Variants in FTO observed in about 807,000 individuals in gnomAD.
The protein encoded by FTO is alpha-ketoglutarate-dependent dioxygenase FTO.
In FTO, 47 loss-of-function variants were observed where a neutral mutation model predicts 63.9. That is an observed-to-expected ratio of 0.74 (90% CI 0.58 to 0.94). The LOEUF (loss-of-function observed/expected upper bound fraction) is 0.94, where lower values mean the gene tolerates loss of function less well. Among genes scored for constraint, FTO ranks in the 40% least tolerant of loss-of-function variants. The pLI is 0.00. For missense variants in FTO, 562 were observed against 618.1 expected (o/e 0.91, Z 0.96); for synonymous variants, 207 against 224.4 (o/e 0.92, Z 0.69).
At chr16:54,003,003 C>T (rs1345008633) in intron 8 of FTO, among the ~76,000 whole-genome samples, 1 of 152,216 alleles carries the variant, frequency 6.6e-6, no homozygotes, top group Non-Finnish European at 1.5e-5. Context: ...TGCATGCAGC[C>T]TTGTACTGGG....
At chr16:53,858,714 G>A (rs917630900) in intron 4 of FTO, among the ~76,000 whole-genome samples, 1 of 152,006 alleles carries the variant, frequency 6.6e-6, no homozygotes, top group African/African-American at 2.4e-5. Context: ...AGGCTGGAGG[G>A]CAGTGGTGGG....
intron 1 of FTO, among the ~76,000 whole-genome samples, chr16:53,723,955 G>A (rs1269144107): frequency 1.3e-5 from 2 of 152,160 alleles, no homozygotes; most frequent in Admixed American, 6.5e-5. Context: ...ATTCAGCATC[G>A]TCTTGAAAAG....
At chr16:54,019,072 C>A (rs1283698887) in intron 8 of FTO, among the ~76,000 whole-genome samples, 1 of 152,160 alleles carries the variant, frequency 6.6e-6, no homozygotes, top group Non-Finnish European at 1.5e-5. Context: ...ATGCTGGCCT[C>A]CTTTGGGCTT....
intron 1 of FTO, among the ~76,000 whole-genome samples, chr16:53,783,480 C>T (rs1030432964): frequency 2.0e-5 from 3 of 151,414 alleles, no homozygotes; most frequent in Admixed American, 6.6e-5. Context: ...TGGTGGCGGG[C>T]GCCTGTAGTC....
intron 5 of FTO, 125 bp downstream of exon 5, chr16:53,873,990 T>C (rs775196675): frequency 1.9e-5 from 14 of 723,470 alleles, no homozygotes; most frequent in Non-Finnish European, 3.2e-5. Flanking sequence ...AACTTGACTT[T>C]CGTCTCTGTT....
At chr16:53,906,096 C>T (rs536510439) in intron 7 of FTO, among the ~76,000 whole-genome samples, 41 of 152,346 alleles carry the variant, frequency 2.7e-4, no homozygotes, top group Non-Finnish European at 5.0e-4. Context: ...TTTTTAAAGA[C>T]ATAAGCACCA....
intron 8 of FTO, among the ~76,000 whole-genome samples, chr16:54,099,830 C>T (rs893990430): frequency 1.3e-5 from 2 of 152,146 alleles, no homozygotes; most frequent in African/African-American, 4.8e-5. Flanking sequence ...GGGAAGTCAC[C>T]AGCTGCCTGC....
At chr16:54,104,651 C>A (rs962037541) in intron 8 of FTO, among the ~76,000 whole-genome samples, 16 of 152,226 alleles carry the variant, frequency 1.1e-4, no homozygotes, top group African/African-American at 3.6e-4. Context: ...TATGCTATTG[C>A]ACATTAGGAG....
At chr16:54,002,125 A>C (rs2084082676) in intron 8 of FTO, among the ~76,000 whole-genome samples, 1 of 152,230 alleles carries the variant, frequency 6.6e-6, no homozygotes, top group Non-Finnish European at 1.5e-5. Context: ...AGCTAAATGC[A>C]TGTTTATCAA....
At chr16:53,890,655 C>A (rs1054280531) in intron 7 of FTO, among the ~76,000 whole-genome samples, 1 of 152,134 alleles carries the variant, frequency 6.6e-6, no homozygotes, top group Admixed American at 6.5e-5. Context: ...AAATTGATTT[C>A]TCCAAAGACC....
At chr16:53,778,751 G>A (rs1030687060) in intron 1 of FTO, among the ~76,000 whole-genome samples, 5 of 152,046 alleles carry the variant, frequency 3.3e-5, no homozygotes, top group African/African-American at 1.2e-4. Flanking sequence ...GCCCAGGGTC[G>A]GAATTCCTGG....
intron 8 of FTO, among the ~76,000 whole-genome samples, chr16:53,986,464 TGACG>T (rs1258219497): frequency 2.1e-4 from 32 of 152,210 alleles, no homozygotes; most frequent in African/African-American, 6.0e-4. Flanking sequence ...TGGATCCTTC[TGACG>T]GGCATTTGTG....
chr16:53,980,455 G>T (rs1208917920), intron 8 of FTO, among the ~76,000 whole-genome samples: 1 of 152,188 alleles, frequency 6.6e-6, no homozygotes, highest in Non-Finnish European at 1.5e-5. Context: ...AGGGAAAAGG[G>T]CTGAAATCCA....
At chr16:54,033,662 G>A (rs1354397422) in intron 8 of FTO, among the ~76,000 whole-genome samples, 1 of 151,920 alleles carries the variant, frequency 6.6e-6, no homozygotes, top group Non-Finnish European at 1.5e-5. Flanking sequence ...ACAAAAAAGA[G>A]ACAACTTAAC....
intron 7 of FTO, among the ~76,000 whole-genome samples, chr16:53,893,050 A>T (rs2081192627): frequency 6.6e-6 from 1 of 152,144 alleles, no homozygotes; most frequent in East Asian, 1.9e-4. Context: ...CTCCCAGCGG[A>T]TAGTTTTACT....
At chr16:53,710,227 T>A (rs1427965410) in intron 1 of FTO, among the ~76,000 whole-genome samples, 1 of 151,372 alleles carries the variant, frequency 6.6e-6, no homozygotes, top group African/African-American at 2.4e-5. Flanking sequence ...TGTATTCTTA[T>A]TTGTCTTATG....
chr16:53,737,426 C>T (rs1302404740), intron 1 of FTO, among the ~76,000 whole-genome samples: 4 of 152,108 alleles, frequency 2.6e-5, no homozygotes, highest in Non-Finnish European at 2.9e-5. Context: ...GTTGCTGTTT[C>T]GTACAGTAAC....
At chr16:53,877,316 A>C (rs1302537323) in intron 5 of FTO, among the ~76,000 whole-genome samples, 1 of 152,264 alleles carries the variant, frequency 6.6e-6, no homozygotes, top group Admixed American at 6.5e-5. Flanking sequence ...TAATGAATGG[A>C]TAAATAAAAC....
At chr16:54,021,210 C>G (rs777465496) in intron 8 of FTO, among the ~76,000 whole-genome samples, 1 of 151,762 alleles carries the variant, frequency 6.6e-6, no homozygotes, top group South Asian at 2.1e-4. Flanking sequence ...CTACCATCCT[C>G]ATCTTTTCAT....
Sources: allele counts gnomAD v4.1 joint callset (sites outside exome capture counted in the v4.1 genomes callset), GRCh38; gene constraint gnomAD v4.1.1; transcripts MANE v1.5; gene names NCBI Gene and HGNC (gene_info 2026-07-23, HGNC 2026-07-21).